The following ARSB variants were observed in gnomAD, a reference collection of about 807,000 sequenced individuals.
ARSB encodes arylsulfatase B.
Under a neutral mutation model 50.9 loss-of-function variants are expected in ARSB, and 41 were observed. The observed-to-expected ratio is 0.81, with a 90% CI of 0.63 to 1.04. The LOEUF is 1.04. Ranked by LOEUF, ARSB falls within the 50% of genes least tolerant of loss-of-function variation. ARSB has a pLI of 0.00. For missense variants in ARSB, 672 were observed against 693.3 expected (o/e 0.97, Z 0.35); for synonymous variants, 269 against 284.8 (o/e 0.94, Z 0.56).
intron 4 of ARSB, among the ~76,000 whole-genome samples, chr5:78,887,246 T>C (rs1032288801): frequency 2.6e-5 from 4 of 152,138 alleles, no homozygotes; most frequent in Admixed American, 6.5e-5. Flanking sequence ...TGCTGCATCA[T>C]AACATGGCAG....
chr5:78,861,112 A>G (rs944297152), intron 5 of ARSB, among the ~76,000 whole-genome samples: 6 of 152,222 alleles, frequency 3.9e-5, no homozygotes, highest in Non-Finnish European at 7.3e-5. Flanking sequence ...AATTGAGGCA[A>G]TAAATTAATA....
intron 6 of ARSB, among the ~76,000 whole-genome samples, chr5:78,797,608 G>A (rs2112640572): frequency 6.6e-6 from 1 of 152,284 alleles, no homozygotes; most frequent in Non-Finnish European, 1.5e-5. Flanking sequence ...TATCCACCAT[G>A]GACAATAGCT....
At chr5:78,849,142 T>C (rs1022721709) in intron 5 of ARSB, among the ~76,000 whole-genome samples, 8 of 152,192 alleles carry the variant, frequency 5.3e-5, no homozygotes, top group African/African-American at 1.9e-4. Flanking sequence ...TCCTTGCCCA[T>C]GCCTATGTCC....
chr5:78,795,819 A>G (rs1370822666), intron 6 of ARSB, among the ~76,000 whole-genome samples: 2 of 152,232 alleles, frequency 1.3e-5, no homozygotes, highest in Admixed American at 6.5e-5. Context: ...TCTTAAGTTT[A>G]TGATTTTCAG....
At chr5:78,836,831 C>T (rs1052994017) in intron 6 of ARSB, among the ~76,000 whole-genome samples, 1 of 152,150 alleles carries the variant, frequency 6.6e-6, no homozygotes, top group Non-Finnish European at 1.5e-5. Flanking sequence ...GTTCCACAGG[C>T]TGTACAGGAA....
chr5:78,780,294 G>T lies in ARSB; in HGVS notation c.*103C>A. The T allele has an allele frequency of 6.6e-7, 1 of 1,515,568 alleles. No individual in the cohort carries two copies. The highest frequency in any genetic ancestry group is 9.1e-7 in the Non-Finnish European group (1 of 1,095,202). The allele number at this position is 1,515,568 out of a possible 1,614,324, so 93.9% of individuals were successfully genotyped here. On this transcript the variant is annotated 3_prime_UTR_variant, in exon 8 of 8. Coordinates refer to ENST00000264914, the MANE Select transcript of ARSB (RefSeq NM_000046.5). ...TCGGTGTGGTTTAAGAGCAAGAGAA[G>T]GGCCAAGTGAACCCAGGTTGGGATA... is the stretch of plus-strand genomic sequence containing the variant.
intron 6 of ARSB, among the ~76,000 whole-genome samples, chr5:78,830,193 T>C (rs1744607239): frequency 6.6e-6 from 1 of 152,110 alleles, no homozygotes; most frequent in African/African-American, 2.4e-5. Context: ...AATAAATAAA[T>C]GGTCAGTTGG....
rs192229961 is a variant in ARSB at position 78,929,692 on chromosome 5, C to T, written c.898+25603G>A. On this transcript the variant is annotated intron_variant, in intron 4 of 7. Transcript: ENST00000264914. ...CCTGTAATCCCAGCTACTAGAGAGG[C>T]TGAGGCAGGAGAGTCACTAGAACCC... Among the ~76,000 whole-genome samples, 375 of 151,076 alleles carry T rather than the reference C, an allele frequency of 2.5e-3. 1 individual carries two copies. Among genetic ancestry groups the T allele is most frequent in the African/African-American group, 7.2e-3 (295 of 41,112 alleles).
At chr5:78,973,768 A>C (rs1400454361) in intron 1 of ARSB, among the ~76,000 whole-genome samples, 1 of 152,204 alleles carries the variant, frequency 6.6e-6, no homozygotes, top group Non-Finnish European at 1.5e-5. Context: ...AAGGCGATAG[A>C]TGCTCTTTCT....
At chr5:78,940,796 A>T (rs184797625) in intron 4 of ARSB, among the ~76,000 whole-genome samples, 271 of 152,224 alleles carry the variant, frequency 1.8e-3, no homozygotes, top group Middle Eastern at 0.01. Context: ...TGAACTTTAA[A>T]GTAGTTTTTT....
intron 6 of ARSB, among the ~76,000 whole-genome samples, chr5:78,832,051 A>C (rs1302978134): frequency 1.3e-5 from 2 of 152,068 alleles, no homozygotes; most frequent in African/African-American, 4.8e-5. Context: ...TATACAATGA[A>C]GCCTTGCTCT....
chr5:78,931,996 A>G (rs1040568901), intron 4 of ARSB, among the ~76,000 whole-genome samples: 1 of 152,140 alleles, frequency 6.6e-6, no homozygotes, highest in Admixed American at 6.5e-5. Context: ...AGGCCTCCCC[A>G]GCCATGTGGA....
chr5:78,881,870 T>C (rs1215683717), intron 5 of ARSB, among the ~76,000 whole-genome samples: 1 of 152,266 alleles, frequency 6.6e-6, no homozygotes, highest in Non-Finnish European at 1.5e-5. Context: ...CATACAAATG[T>C]ATTTAATGTG....
intron 4 of ARSB, among the ~76,000 whole-genome samples, chr5:78,886,822 C>T (rs1435137262): frequency 1.3e-5 from 2 of 151,818 alleles, no homozygotes; most frequent in Admixed American, 1.3e-4. Context: ...GTATGACAGA[C>T]CACCTGCTGT....
chr5:78,868,850 T>G (rs1177263907), intron 5 of ARSB, among the ~76,000 whole-genome samples: 4 of 150,248 alleles, frequency 2.7e-5, no homozygotes, highest in Non-Finnish European at 5.9e-5. Flanking sequence ...ATGCTACAAT[T>G]AAAAGACACA....
At chr5:78,805,970 G>T (rs1743544454) in intron 6 of ARSB, among the ~76,000 whole-genome samples, 1 of 152,178 alleles carries the variant, frequency 6.6e-6, no homozygotes, top group Admixed American at 6.5e-5. Context: ...GCGGCCTTGG[G>T]GGCAAATTGC....
chr5:78,797,210 C>T (rs1301564815), intron 6 of ARSB, among the ~76,000 whole-genome samples: 1 of 152,170 alleles, frequency 6.6e-6, no homozygotes, highest in Non-Finnish European at 1.5e-5. Context: ...GATCCGCCTG[C>T]CTTGGTCTCC....
At chr5:78,808,876 A>T (rs1262954290) in intron 6 of ARSB, among the ~76,000 whole-genome samples, 1 of 152,176 alleles carries the variant, frequency 6.6e-6, no homozygotes, top group Non-Finnish European at 1.5e-5. Flanking sequence ...TTTTTGCTGG[A>T]CACGGGGTGT....
At chr5:78,966,765 G>A (rs1055945519) in intron 2 of ARSB, among the ~76,000 whole-genome samples, 1 of 152,126 alleles carries the variant, frequency 6.6e-6, no homozygotes, top group Admixed American at 6.5e-5. Flanking sequence ...TCTTCCCAGA[G>A]TATAGATATT....
Sources: gnomAD v4.1 joint callset for allele counts (sites outside exome capture counted in the v4.1 genomes callset) on GRCh38, gnomAD v4.1.1 for gene constraint, MANE v1.5 for transcripts, NCBI Gene and HGNC (gene_info 2026-07-23, HGNC 2026-07-21) for gene names.